The following SLC25A42 variants were observed in gnomAD, a reference collection of about 807,000 sequenced individuals.
The protein encoded by SLC25A42 is mitochondrial coenzyme A transporter SLC25A42.
In SLC25A42, 19 loss-of-function variants were observed where a neutral mutation model predicts 34.7. That is an observed-to-expected ratio of 0.55 (90% CI 0.38 to 0.80). The LOEUF is 0.80. Among genes scored for constraint, SLC25A42 ranks in the 30% least tolerant of loss-of-function variants. The pLI, the probability that SLC25A42 is intolerant of heterozygous loss-of-function variation, is 0.00. For synonymous variants in SLC25A42, 205 were observed against 191.2 expected (o/e 1.07, Z -0.59); for missense variants, 364 against 441.3 (o/e 0.82, Z 1.57).
At chr19:19,106,009 GC>G in intron 5 of SLC25A42, 1 of 549,284 alleles carries the variant, frequency 1.8e-6, no homozygotes, top group South Asian at 2.5e-5. Flanking sequence ...AGGTTACTAT[GC>G]CCCCAGGGCC....
chr19:19,079,254 C>T (rs895702182), intron 1 of SLC25A42, among the ~76,000 whole-genome samples: 4 of 151,988 alleles, frequency 2.6e-5, no homozygotes, highest in South Asian at 2.1e-4. Context: ...CAGGGTCTCA[C>T]CATGTTGGCC....
At chr19:19,078,374 C>T (rs897102863) in intron 1 of SLC25A42, among the ~76,000 whole-genome samples, 1 of 152,190 alleles carries the variant, frequency 6.6e-6, no homozygotes, top group African/African-American at 2.4e-5. Context: ...CCTGAGCTCA[C>T]TCCAGCCTTG....
At chr19:19,087,838 A>G (rs1050867358) in intron 1 of SLC25A42, among the ~76,000 whole-genome samples, 1 of 152,194 alleles carries the variant, frequency 6.6e-6, no homozygotes, top group Non-Finnish European at 1.5e-5. Flanking sequence ...AGAGCTGTGG[A>G]GTGGAAAAGG....
At chr19:19,065,337 G>A (rs959772414) in intron 1 of SLC25A42, among the ~76,000 whole-genome samples, 12 of 152,136 alleles carry the variant, frequency 7.9e-5, no homozygotes, top group Non-Finnish European at 4.4e-5. Context: ...CCTTGAAGCC[G>A]ATAAAGAGTA....
intron 1 of SLC25A42, among the ~76,000 whole-genome samples, chr19:19,066,374 A>G (rs2145893447): frequency 6.6e-6 from 1 of 151,970 alleles, no homozygotes; most frequent in African/African-American, 2.4e-5. Flanking sequence ...GTAAATTTGC[A>G]TTGAGCAGAC....
Position 19,110,674 on chromosome 19 carries a change from G to A in SLC25A42, c.755G>A (p.Arg252Gln). Residue 252 changes from arginine (R) to glutamine (Q), a missense_variant, in exon 8 of 8, where the codon CGG becomes CAG. Arg to Gln is a conservative substitution (Grantham distance 43). Coordinates refer to ENST00000318596, the MANE Select transcript of SLC25A42 (RefSeq NM_178526.5). ...SASYPLDVVRRRMQTAGVTGY... is the reference protein window; with the variant it reads ...SASYPLDVVRQRMQTAGVTGY... ...TCGTACCCGCTGGATGTGGTGCGGCGGCGCATGCAGACGGCCGGCGTCACG... is the reference window on the plus strand; with the variant it reads ...TCGTACCCGCTGGATGTGGTGCGGCAGCGCATGCAGACGGCCGGCGTCACG... The A allele has an allele frequency of 6.4e-7, 1 of 1,566,332 alleles. No homozygotes were observed. Among genetic ancestry groups the A allele is most frequent in the Non-Finnish European group, 8.6e-7 (1 of 1,156,906 alleles).
intron 1 of SLC25A42, among the ~76,000 whole-genome samples, chr19:19,091,440 A>G (rs2059737691): frequency 6.6e-6 from 1 of 152,228 alleles, no homozygotes; most frequent in Non-Finnish European, 1.5e-5. Flanking sequence ...CCTGGGCAAC[A>G]AGCATGAAAC....
rs1262734759 is a variant in SLC25A42 at position 19,105,454 on chromosome 19, G to A, written c.214-107G>A. 6.6e-6 allele frequency: 9 copies of A among 1,368,896 alleles called. No individual in the cohort carries two copies. The Admixed American group carries it at 6.7e-5, about 10-fold the overall frequency. The allele number at this position is 1,368,896 out of a possible 1,614,324, so 84.8% of individuals were successfully genotyped here. A position where few individuals can be genotyped will look rare whatever the true frequency, so the allele number is the denominator to read the frequency against. Reference sequence around the variant, plus strand: ...GGTTATGTGCTGTGCATGGAGATGGGGTCACCCCGGCCCCGCCTCCGCACT... The same window carrying A: ...GGTTATGTGCTGTGCATGGAGATGGAGTCACCCCGGCCCCGCCTCCGCACT... On this transcript the variant is annotated intron_variant, in intron 4 of 7. Coordinates refer to ENST00000318596, the MANE Select transcript of SLC25A42 (RefSeq NM_178526.5).
intron 6 of SLC25A42, 60 bp downstream of exon 6, chr19:19,106,445 C>T: frequency 1.4e-6 from 2 of 1,415,150 alleles, no homozygotes; most frequent in Admixed American, 4.0e-5. Flanking sequence ...CGGGGGCTCC[C>T]AGGTCGGAAT....
At chr19:19,093,899 A>G (rs560019122) in intron 1 of SLC25A42, among the ~76,000 whole-genome samples, 1 of 152,216 alleles carries the variant, frequency 6.6e-6, no homozygotes, top group South Asian at 2.1e-4. Context: ...GCTGGTCTTA[A>G]ACTCCTGAGC....
At chr19:19,076,472 AAAAAC>A (rs1300949360) in intron 1 of SLC25A42, among the ~76,000 whole-genome samples, 1 of 152,014 alleles carries the variant, frequency 6.6e-6, no homozygotes, top group Non-Finnish European at 1.5e-5. Context: ...TCCATCTTAA[AAAAAC>A]AAAACAAAAC....
Position 19,110,739 on chromosome 19 carries a change from A to G in SLC25A42, c.820A>G (p.Ile274Val), listed in dbSNP as rs1020157107. 1.2e-6 allele frequency: 2 copies of G among 1,611,780 alleles called. No individual in the cohort carries two copies. Among genetic ancestry groups the G allele is most frequent in the Non-Finnish European group, 1.7e-6 (2 of 1,179,348 alleles). The change falls in exon 8 of 8, where the codon ATC becomes GTC. Residue 274 changes from isoleucine (I) to valine (V), a missense_variant. Transcript: ENST00000318596. ...CTCCATCGCCCGCACGCTGCGCACC[A>G]TCGTGCGGGAGGAGGGCGCCGTGCG... ...RASIARTLRT[I>V]VREEGAVRGL...
At position 19,111,128 on chromosome 19, in the gene SLC25A42, T is replaced by C; in HGVS notation, c.*252T>C. 1 of 547,276 alleles carries C rather than the reference T, an allele frequency of 1.8e-6. No individual in the cohort carries two copies. Among genetic ancestry groups the C allele is most frequent in the East Asian group, 3.3e-5 (1 of 30,422 alleles). 33.9% of individuals were successfully genotyped at this position (547,276 alleles called of 1,614,324 possible). On this transcript the variant is annotated 3_prime_UTR_variant, in exon 8 of 8. Coordinates refer to ENST00000318596, the MANE Select transcript of SLC25A42 (RefSeq NM_178526.5). The stretch of plus-strand genomic sequence containing the variant: ...CCCCTCTTCCTTCCTCTGCAGACGC[T>C]GGCGCTGTCTGCCGGAGGTGTTGCC...
chr19:19,102,438 T>C (rs1386700113), intron 3 of SLC25A42, among the ~76,000 whole-genome samples: 2 of 152,048 alleles, frequency 1.3e-5, no homozygotes, highest in Non-Finnish European at 2.9e-5. Flanking sequence ...GTTTTTTTAA[T>C]GCCTCTTTAA....
intron 1 of SLC25A42, among the ~76,000 whole-genome samples, chr19:19,080,437 C>T (rs2059675420): frequency 6.6e-6 from 1 of 152,092 alleles, no homozygotes; most frequent in African/African-American, 2.4e-5. Flanking sequence ...GTACAGCGTC[C>T]TCTTCCTTCA....
rs1323880492 is a variant in SLC25A42, at chr19:19,107,929, C to G, written c.533C>G (p.Ser178Trp). 13 of 1,614,018 alleles carry G rather than the reference C, an allele frequency of 8.1e-6. No individual in the cohort carries two copies. The Middle Eastern group carries it at 8.2e-4, about 102-fold the overall frequency. Residue 178 changes from serine (S) to tryptophan (W), a missense_variant, in exon 7 of 8, where the codon TCG becomes TGG. Transcript: ENST00000318596. ...ATCTTTCATGTCTTCATCCGCATCT[C>G]GAGAGAAGAGGGGCTGAAGACTCTC... ...SNIFHVFIRI[S>W]REEGLKTLYH...
intron 1 of SLC25A42, among the ~76,000 whole-genome samples, chr19:19,084,792 T>C (rs1251181761): frequency 1.3e-5 from 2 of 152,068 alleles, no homozygotes; most frequent in East Asian, 3.9e-4. Flanking sequence ...TTAAGCAAAG[T>C]CTTGAGTAAG....
intron 6 of SLC25A42, chr19:19,107,021 A>C (rs1323815940): frequency 6.6e-6 from 1 of 151,508 alleles, no homozygotes; most frequent in East Asian, 1.9e-4. Context: ...ATGTGTAAGA[A>C]TAGACCGGGC....
At chr19:19,104,011 A>G (rs2059812567) in intron 3 of SLC25A42, among the ~76,000 whole-genome samples, 1 of 151,976 alleles carries the variant, frequency 6.6e-6, no homozygotes, top group Admixed American at 6.6e-5. Context: ...GATTTAAGCG[A>G]TACTCCTGCC....
Sources: allele counts gnomAD v4.1 joint callset (sites outside exome capture counted in the v4.1 genomes callset), GRCh38; gene constraint gnomAD v4.1.1; transcripts MANE v1.5; gene names NCBI Gene and HGNC (gene_info 2026-07-23, HGNC 2026-07-21).